RORB: variants seen among roughly 807,000 people sequenced by gnomAD.
RORB encodes the protein nuclear receptor ROR-beta.
In RORB, 6 loss-of-function variants were observed where a neutral mutation model predicts 59.1. The ratio of observed to expected loss-of-function variants is 0.10; its 90% CI spans 0.06 to 0.20. The LOEUF (loss-of-function observed/expected upper bound fraction) is 0.20. Ranked by LOEUF, RORB falls within the 10% of genes least tolerant of loss-of-function variation. The pLI is 1.00. For synonymous variants in RORB, 215 were observed against 204.5 expected (o/e 1.05, Z -0.44); for missense variants, 320 against 560.5 (o/e 0.57, Z 4.33).
chr9:74,658,812 A>G (rs2118506064), intron 4 of RORB, among the ~76,000 whole-genome samples: 1 of 152,296 alleles, frequency 6.6e-6, no homozygotes. Flanking sequence ...TTTTTATACC[A>G]TAGGAGAATG....
At chr9:74,517,450 G>A (rs1826025535) in intron 1 of RORB, among the ~76,000 whole-genome samples, 1 of 151,988 alleles carries the variant, frequency 6.6e-6, no homozygotes, top group African/African-American at 2.4e-5. Flanking sequence ...GTGGATATTA[G>A]CACCTTGTTA....
In RORB at chr9:74,687,989, T is replaced by A. The variant is rs935990842; in HGVS notation, c.*2371T>A. The A allele has an allele frequency of 6.6e-6, 1 of 152,232 alleles. No individual in the cohort carries two copies. Among genetic ancestry groups the A allele is most frequent in the Admixed American group, 6.6e-5 (1 of 15,264 alleles). 9.4% of individuals were successfully genotyped at this position (152,232 alleles called of 1,614,324 possible). On this transcript the variant is annotated 3_prime_UTR_variant, in exon 10 of 10. Transcript: ENST00000376896. The stretch of plus-strand genomic sequence containing the variant: ...ATTCCTGCTCAGTTGCAGAGGGAAT[T>A]ATTTATTTCCTCCAATTTACCTTAG...
At chr9:74,665,022 A>G (rs994918872) in intron 6 of RORB, among the ~76,000 whole-genome samples, 1 of 152,232 alleles carries the variant, frequency 6.6e-6, no homozygotes, top group Non-Finnish European at 1.5e-5. Context: ...GAATACAGTA[A>G]TCATGGCTGC....
chr9:74,626,944 A>G (rs1300903451), intron 1 of RORB, among the ~76,000 whole-genome samples: 1 of 152,166 alleles, frequency 6.6e-6, no homozygotes, highest in Non-Finnish European at 1.5e-5. Flanking sequence ...CAGGCTGATC[A>G]CAAAGTCAGG....
intron 1 of RORB, among the ~76,000 whole-genome samples, chr9:74,546,899 C>T (rs1826505697): frequency 6.6e-6 from 1 of 152,104 alleles, no homozygotes; most frequent in Non-Finnish European, 1.5e-5. Context: ...TTGAGACCAG[C>T]CTGGCCAACA....
chr9:74,651,455 A>C (rs937462121), intron 4 of RORB, among the ~76,000 whole-genome samples: 1 of 151,992 alleles, frequency 6.6e-6, no homozygotes, highest in African/African-American at 2.4e-5. Flanking sequence ...GAATTGCTTG[A>C]ACCTGGGAGG....
At chr9:74,502,743 T>A (rs1017001092) in intron 1 of RORB, among the ~76,000 whole-genome samples, 3 of 152,064 alleles carry the variant, frequency 2.0e-5, no homozygotes, top group Admixed American at 2.0e-4. Context: ...TTGGTGAAAT[T>A]TAAGCCTTAC....
At chr9:74,618,915 A>G (rs548664800) in intron 1 of RORB, among the ~76,000 whole-genome samples, 2 of 152,308 alleles carry the variant, frequency 1.3e-5, no homozygotes, top group Admixed American at 1.3e-4. Context: ...AAATAATGCA[A>G]TATAGGAATT....
At chr9:74,666,736 A>G (rs1824272087) in intron 7 of RORB, among the ~76,000 whole-genome samples, 1 of 152,210 alleles carries the variant, frequency 6.6e-6, no homozygotes, top group Non-Finnish European at 1.5e-5. Flanking sequence ...CACAGAGTTC[A>G]TGCCAACCTG....
intron 7 of RORB, among the ~76,000 whole-genome samples, chr9:74,667,002 T>C (rs1824278885): frequency 6.6e-6 from 1 of 152,186 alleles, no homozygotes; most frequent in Non-Finnish European, 1.5e-5. Context: ...CAACAACAAG[T>C]CCATCGGGGC....
At chr9:74,579,079 A>G (rs755628118) in intron 1 of RORB, among the ~76,000 whole-genome samples, 2 of 152,156 alleles carry the variant, frequency 1.3e-5, no homozygotes, top group Non-Finnish European at 2.9e-5. Context: ...TGAACATTAA[A>G]TTATATTTTT....
chr9:74,511,121 A>G (rs1825931507), intron 1 of RORB, among the ~76,000 whole-genome samples: 1 of 152,194 alleles, frequency 6.6e-6, no homozygotes, highest in South Asian at 2.1e-4. Context: ...GCTCTTTACC[A>G]CATACTTTCA....
intron 1 of RORB, among the ~76,000 whole-genome samples, chr9:74,604,238 T>A (rs1307227497): frequency 6.6e-6 from 1 of 152,252 alleles, no homozygotes; most frequent in South Asian, 2.1e-4. Flanking sequence ...TTTTGAGGGA[T>A]GCTAACGAGC....
At chr9:74,513,507 T>C (rs1825968858) in intron 1 of RORB, among the ~76,000 whole-genome samples, 1 of 152,090 alleles carries the variant, frequency 6.6e-6, no homozygotes, top group South Asian at 2.1e-4. Flanking sequence ...GTGATAATGA[T>C]AATAATTCAA....
intron 1 of RORB, among the ~76,000 whole-genome samples, chr9:74,528,985 CT>C (rs1427522888): frequency 6.6e-6 from 1 of 151,926 alleles, no homozygotes; most frequent in Non-Finnish European, 1.5e-5. Context: ...CTTGAAACTT[CT>C]TTCAAAAAAT....
At chr9:74,633,106 G>A (rs1361699436) in intron 2 of RORB, among the ~76,000 whole-genome samples, 2 of 152,268 alleles carry the variant, frequency 1.3e-5, no homozygotes, top group East Asian at 1.9e-4. Context: ...CCAGTGCCAC[G>A]CTGAGCCATA....
At chr9:74,509,475 G>T (rs1825906672) in intron 1 of RORB, among the ~76,000 whole-genome samples, 1 of 151,908 alleles carries the variant, frequency 6.6e-6, no homozygotes, top group African/African-American at 2.4e-5. Flanking sequence ...ATCAGAAATA[G>T]CTATGAAGAC....
At position 74,667,837 on chromosome 9, in the gene RORB, G is replaced by A. The variant is rs1824291610; in HGVS notation, c.1047G>A (p.Leu349=). Residue 349 remains leucine, a synonymous_variant, in exon 8 of 10, where the codon TTG becomes TTA. Coordinates refer to ENST00000376896, the MANE Select transcript of RORB (RefSeq NM_006914.4). ...AAGCATTTGACTTTGCAAAGAATTT[G>A]TGTTCCTTGCAGCTGACCGAGGAGG... ...VNEAFDFAKN[L]CSLQLTEEEI... 6.2e-7 allele frequency: 1 copy of A among 1,613,704 alleles called. No individual in the cohort carries two copies. Among genetic ancestry groups the A allele is most frequent in the African/African-American group, 1.3e-5 (1 of 75,016 alleles).
intron 1 of RORB, among the ~76,000 whole-genome samples, chr9:74,503,083 A>T (rs953037272): frequency 1.3e-5 from 2 of 152,044 alleles, no homozygotes; most frequent in Non-Finnish European, 2.9e-5. Flanking sequence ...TATGTTTTTT[A>T]TTCTAGATGT....
Sources: allele counts gnomAD v4.1 joint callset (sites outside exome capture counted in the v4.1 genomes callset), GRCh38; gene constraint gnomAD v4.1.1; transcripts MANE v1.5; gene names NCBI Gene and HGNC (gene_info 2026-07-23, HGNC 2026-07-21).